FSIP2: variants seen among roughly 807,000 people sequenced by gnomAD.
FSIP2 encodes fibrous sheath-interacting protein 2.
In FSIP2, 367 loss-of-function variants were observed where a neutral mutation model predicts 510.5. That is an observed-to-expected ratio of 0.72 (90% CI 0.66 to 0.78). The LOEUF is 0.78. Among genes scored for constraint, FSIP2 ranks in the 30% least tolerant of loss-of-function variants. The probability of loss-of-function intolerance (pLI) is 0.00; values close to 1 mark genes in which losing one functional copy is unlikely to be tolerated. For synonymous variants in FSIP2, 2,601 were observed against 2,732.2 expected, an observed-to-expected ratio of 0.95 and a Z score of 1.50; for missense variants, 7,594 against 7,901.7, an observed-to-expected ratio of 0.96 and a Z score of 1.48.
chr2:185,762,266 TTACAGA>T (rs1238215499), intron 11 of FSIP2, among the ~76,000 whole-genome samples: 1 of 151,286 alleles, frequency 6.6e-6, no homozygotes, highest in Non-Finnish European at 1.5e-5. Context: ...CTGTTTGTAG[TTACAGA>T]TAAAGACGCT....
At chr2:185,764,187 G>T (rs1244154994) in intron 12 of FSIP2, among the ~76,000 whole-genome samples, 1 of 151,408 alleles carries the variant, frequency 6.6e-6, no homozygotes, top group Non-Finnish European at 1.5e-5. Context: ...TTAAATCTTA[G>T]ATTGCCATCC....
intron 2 of FSIP2, among the ~76,000 whole-genome samples, chr2:185,740,953 G>GAA (rs34788709): frequency 6.6e-6 from 1 of 151,668 alleles, no homozygotes; most frequent in Non-Finnish European, 1.5e-5. Context: ...TTTTGTTTCT[G>GAA]AAAAAAAGTA....
rs1693503023 is a variant in FSIP2, at chr2:185,804,010, G to T, written c.14704G>T (p.Glu4902Ter). ...AAAAATAGCGAGTTTTATAATAAAA[G>T]AAATCTTTAACCATCATATTCAATC... is the stretch of plus-strand genomic sequence containing the variant. ...VSKIASFIIK[E>*]IFNHHIQSFL... The change falls in exon 17 of 23, where the codon GAA becomes TAA. Residue 4902 changes from glutamate (E) to a stop codon, truncating the protein, a stop_gained. Coordinates refer to ENST00000424728, the MANE Select transcript of FSIP2 (RefSeq NM_173651.4). LOFTEE classifies it high-confidence loss of function. 4.7e-6 allele frequency: 7 copies of T among 1,498,136 alleles called. No homozygotes were observed. Among genetic ancestry groups the T allele is most frequent in the Non-Finnish European group, 5.3e-6 (6 of 1,128,650 alleles). The allele number at this position is 1,498,136 out of a possible 1,614,324, so 92.8% of individuals were successfully genotyped here.
At position 185,795,347 on chromosome 2, in the gene FSIP2, A is replaced by G. The variant is rs764995776; in HGVS notation, c.8211A>G (p.Ile2737Met). The G allele has an allele frequency of 1.4e-5, 22 of 1,534,570 alleles. No homozygotes were observed. The highest frequency in any genetic ancestry group is 1.9e-5 in the Non-Finnish European group (22 of 1,145,988). Reference protein sequence around the residue: ...DTKLPTSELKIYAKDIIINIL... With the variant: ...DTKLPTSELKMYAKDIIINIL... ...AATTGCCCACTTCAGAACTAAAAATATATGCCAAGGATATAATAATTAACA... is the reference window on the plus strand; with the variant it reads ...AATTGCCCACTTCAGAACTAAAAATGTATGCCAAGGATATAATAATTAACA... Residue 2737 changes from isoleucine to methionine, a missense_variant, in exon 16 of 23, where the codon ATA becomes ATG. Coordinates refer to ENST00000424728, the MANE Select transcript of FSIP2 (RefSeq NM_173651.4).
intron 20 of FSIP2, among the ~76,000 whole-genome samples, chr2:185,825,257 G>T (rs529609050): frequency 6.6e-6 from 1 of 151,846 alleles, no homozygotes; most frequent in Non-Finnish European, 1.5e-5. Context: ...CTCCTATAAT[G>T]TCTGAATTGT....
chr2:185,831,766 TTG>T (rs777402415), intron 21 of FSIP2, 45 bp from the exon 22 acceptor site: 2 of 1,215,664 alleles, frequency 1.6e-6, no homozygotes, highest in African/African-American at 3.0e-5. Flanking sequence ...TATCTAGTGT[TTG>T]TGTCCAGTGA....
At position 185,817,825 on chromosome 2, in the gene FSIP2, A is replaced by G. The variant is rs191167019; in HGVS notation, c.20426+2354A>G. On this transcript the variant is annotated intron_variant, in intron 19 of 22. Transcript: ENST00000424728. ...TATGTTCAAGAATTGTAGGTAGACA[A>G]AGAACTAAGGAAATTAGTAAAAATA... 2.4e-3 allele frequency among the ~76,000 whole-genome samples: 364 copies of G among 152,158 alleles called. 2 individuals are homozygous for G. The highest frequency in any genetic ancestry group is 2.4e-3 in the Admixed American group (36 of 15,258).
chr2:185,783,949 T>C (rs1692909434), intron 14 of FSIP2: 1 of 152,134 alleles, frequency 6.6e-6, no homozygotes, highest in Admixed American at 6.5e-5. Flanking sequence ...ACTCTATACC[T>C]TACCTGGAGC....
chr2:185,806,817 G>A lies in FSIP2; in HGVS notation c.17511G>A (p.Lys5837=). The A allele has an allele frequency of 6.2e-7, 1 of 1,611,166 alleles. No homozygotes were observed. The highest frequency in any genetic ancestry group is 8.5e-7 in the Non-Finnish European group (1 of 1,178,612). The part of the protein sequence containing the change: ...TAMKLINSLL[K]EFSDAQIKVF... ...TGAAACTCATCAATTCACTGTTAAA[G>A]GAGTTCTCAGATGCTCAAATTAAGG... The change falls in exon 17 of 23, where the codon AAG becomes AAA. Residue 5837 remains lysine, a synonymous_variant. Transcript: ENST00000424728.
chr2:185,832,885 G>T (rs1694133465), intron 22 of FSIP2, among the ~76,000 whole-genome samples: 1 of 151,942 alleles, frequency 6.6e-6, no homozygotes, highest in South Asian at 2.1e-4. Flanking sequence ...TTCAGAGAGT[G>T]TTCTGCTGAG....
chr2:185,791,896 A>G lies in FSIP2; in HGVS notation c.4760A>G (p.Asn1587Ser). 1.3e-6 allele frequency: 2 copies of G among 1,534,086 alleles called. No individual in the cohort carries two copies. The highest frequency in any genetic ancestry group is 1.7e-6 in the Non-Finnish European group (2 of 1,145,488). The part of the protein sequence containing the change: ...KLKAVASDIL[N>S]MVFAKLEGFA... ...AAAGCTGTAGCTTCAGATATTCTTAATATGGTTTTTGCTAAACTGGAAGGG... is the reference window on the plus strand; with the variant it reads ...AAAGCTGTAGCTTCAGATATTCTTAGTATGGTTTTTGCTAAACTGGAAGGG... The change falls in exon 16 of 23, where the codon AAT becomes AGT. Residue 1587 changes from asparagine (N) to serine (S), a missense_variant. Asn to Ser is a conservative substitution (Grantham distance 46). Coordinates refer to ENST00000424728, the MANE Select transcript of FSIP2 (RefSeq NM_173651.4).
At position 185,743,259 on chromosome 2, in the gene FSIP2, T is replaced by C. The variant is rs1385869359; in HGVS notation, c.352T>C (p.Leu118=). The C allele has an allele frequency of 6.6e-7, 1 of 1,510,540 alleles. No individual in the cohort carries two copies. Among genetic ancestry groups the C allele is most frequent in the Non-Finnish European group, 8.8e-7 (1 of 1,138,890 alleles). The allele number at this position is 1,510,540 out of a possible 1,614,324, so 93.6% of individuals were successfully genotyped here. A position where few individuals can be genotyped will look rare whatever the true frequency, so the allele number is the denominator to read the frequency against. Residue 118 remains leucine, a synonymous_variant, in exon 3 of 23, where the codon TTA becomes CTA. Coordinates refer to ENST00000424728, the MANE Select transcript of FSIP2 (RefSeq NM_173651.4). ...TAAGCGCAAAGATATTTTGAAGAGA[T>C]TAAAGAAAGGTGGCTACATCACCAG... The part of the protein sequence containing the change: ...YYKRKDILKR[L]KKGGYITSNN...
At position 185,803,216 on chromosome 2, in the gene FSIP2, G is replaced by A; in HGVS notation, c.13910G>A (p.Arg4637Lys). 6 of 1,532,240 alleles carry A rather than the reference G, an allele frequency of 3.9e-6. No homozygotes were observed. The highest frequency in any genetic ancestry group is 5.2e-6 in the Non-Finnish European group (6 of 1,144,640). 94.9% of individuals were successfully genotyped at this position (1,532,240 alleles called of 1,614,324 possible). Reference protein sequence around the residue: ...ISGVLRKIFHRVVGIVQTKSI... With the variant: ...ISGVLRKIFHKVVGIVQTKSI... Reference sequence around the variant, plus strand: ...GGGGTTTTAAGAAAAATATTCCACAGGGTAGTAGGCATTGTACAAACAAAA... The same window carrying A: ...GGGGTTTTAAGAAAAATATTCCACAAGGTAGTAGGCATTGTACAAACAAAA... The change falls in exon 17 of 23, where the codon AGG becomes AAG. Residue 4637 changes from arginine to lysine, a missense_variant. Transcript: ENST00000424728.
chr2:185,826,760 A>G (rs1204569803), intron 20 of FSIP2, among the ~76,000 whole-genome samples: 2 of 151,842 alleles, frequency 1.3e-5, no homozygotes, highest in African/African-American at 2.4e-5. Flanking sequence ...AGGAGAGACT[A>G]TTGGAGCAAC....
Position 185,753,849 on chromosome 2 carries a change from G to A in FSIP2, c.991+7G>A. Reference sequence around the variant, plus strand: ...GGTCAAGATGGAACACATGGTGAATGTGAGAACATTAAAAGATGATGTAGC... The same window carrying A: ...GGTCAAGATGGAACACATGGTGAATATGAGAACATTAAAAGATGATGTAGC... On this transcript the variant is annotated splice_region_variant and intron_variant, in intron 8 of 22. Coordinates refer to ENST00000424728, the MANE Select transcript of FSIP2 (RefSeq NM_173651.4). 2.1e-6 allele frequency: 3 copies of A among 1,445,664 alleles called. No homozygotes were observed. The highest frequency in any genetic ancestry group is 1.8e-6 in the Non-Finnish European group (2 of 1,104,970). The allele number at this position is 1,445,664 out of a possible 1,614,324, so 89.6% of individuals were successfully genotyped here. A position where few individuals can be genotyped will look rare whatever the true frequency, so the allele number is the denominator to read the frequency against.
chr2:185,789,785 T>A lies in FSIP2; in HGVS notation c.2649T>A (p.Ile883=). 1 of 1,534,246 alleles carries A rather than the reference T, an allele frequency of 6.5e-7. No homozygotes were observed. Among genetic ancestry groups the A allele is most frequent in the Non-Finnish European group, 8.7e-7 (1 of 1,145,632 alleles). Residue 883 remains isoleucine, a synonymous_variant, in exon 16 of 23, where the codon ATT becomes ATA. Coordinates refer to ENST00000424728, the MANE Select transcript of FSIP2 (RefSeq NM_173651.4). The part of the protein sequence containing the change: ...SSLESDEASL[I]VNEEVQNLIS... ...TTGAATCTGATGAAGCTAGTTTAAT[T>A]GTCAATGAAGAAGTACAAAATTTAA... is the stretch of plus-strand genomic sequence containing the variant.
chr2:185,739,285 GTCTAAACTAAACTAA>G, intron 1 of FSIP2, 46 bp from the exon 2 acceptor site: 1 of 1,458,384 alleles, frequency 6.9e-7, no homozygotes, highest in Non-Finnish European at 9.0e-7. Flanking sequence ...AAGTAGATTG[GTCTAAACTAAACTAA>G]TACTGCCTAA....
chr2:185,739,702 C>A (rs2105522831), intron 2 of FSIP2, among the ~76,000 whole-genome samples: 1 of 152,208 alleles, frequency 6.6e-6, no homozygotes, highest in Non-Finnish European at 1.5e-5. Flanking sequence ...CCTTAATTAA[C>A]AATTCACGGT....
intron 19 of FSIP2, among the ~76,000 whole-genome samples, chr2:185,818,043 A>G (rs1693855353): frequency 6.6e-6 from 1 of 151,962 alleles, no homozygotes; most frequent in Non-Finnish European, 1.5e-5. Flanking sequence ...GGTGATGGAT[A>G]CCCCAATTAC....
Sources: gnomAD v4.1 joint callset for allele counts (sites outside exome capture counted in the v4.1 genomes callset) on GRCh38, gnomAD v4.1.1 for gene constraint, MANE v1.5 for transcripts, NCBI Gene and HGNC (gene_info 2026-07-23, HGNC 2026-07-21) for gene names.